Variants in GFPT2 observed in about 807,000 individuals in gnomAD.
The protein encoded by GFPT2 is glutamine--fructose-6-phosphate transaminase 2, also known as glutamine--fructose-6-phosphate aminotransferase [isomerizing] 2.
A neutral mutation model predicts 85.6 loss-of-function variants in GFPT2; 62 were observed. The ratio of observed to expected loss-of-function variants is 0.72; its 90% CI spans 0.59 to 0.90. The LOEUF is 0.90. GFPT2 is among the 40% of genes least tolerant of loss of function. GFPT2 has a pLI of 0.00. For missense variants in GFPT2, 788 were observed against 893.4 expected, an observed-to-expected ratio of 0.88 and a Z score of 1.50; for synonymous variants, 368 against 344.5, an observed-to-expected ratio of 1.07 and a Z score of -0.75.
In GFPT2 at chr5:180,316,436, G is replaced by A; in HGVS notation, c.1178C>T (p.Thr393Ile). The A allele has an allele frequency of 6.2e-7, 1 of 1,614,034 alleles. No homozygotes were observed. The highest frequency in any genetic ancestry group is 8.5e-7 in the Non-Finnish European group (1 of 1,179,890). ...AAGTTCAACCATCACAGGAAGCTCA[G>A]TCAGTTCCTCCAAAACTTGCCGCGT... The part of the protein sequence containing the change: ...VATRQVLEEL[T>I]ELPVMVELAS... The change falls in exon 13 of 19, where the codon ACT (threonine) becomes ATT (isoleucine). Residue 393 changes from threonine to isoleucine, a missense_variant. Transcript: ENST00000253778.
At chr5:180,351,734 C>A (rs774858114) in intron 1 of GFPT2, among the ~76,000 whole-genome samples, 13 of 152,148 alleles carry the variant, frequency 8.5e-5, no homozygotes, top group Admixed American at 4.6e-4. Flanking sequence ...AGAGCCCCCC[C>A]AAAGCTCAGA....
Position 180,328,283 on chromosome 5 carries a change from G to T in GFPT2, c.590C>A (p.Ala197Asp). Residue 197 changes from alanine to aspartate, a missense_variant, in exon 7 of 19, where the codon GCC (alanine) becomes GAC (aspartate). By Grantham distance (126) the Ala-to-Asp change is moderately radical. Transcript: ENST00000253778. The surrounding 1 kb of genome is among the most constrained non-coding windows in gnomAD (Gnocchi z 5.4). ...KSVHYPGEAV[A>D]TRRGSPLLIG... is the part of the protein sequence containing the mutation. ...CCAGTGTGTTTTGCCTCACCGTGTG[G>T]CAACGGCTTCTCCTGGGTAGTGGAC... 2 of 1,609,556 alleles carry T rather than the reference G, an allele frequency of 1.2e-6. No individual in the cohort carries two copies. The highest frequency in any genetic ancestry group is 2.2e-5 in the East Asian group (1 of 44,858).
chr5:180,328,146 G>C lies in GFPT2; in HGVS notation c.596+131C>G. On this transcript the variant is annotated intron_variant, in intron 7 of 18. Coordinates refer to ENST00000253778, the MANE Select transcript of GFPT2 (RefSeq NM_005110.4). The surrounding 1 kb of genome is among the most constrained non-coding windows in gnomAD (Gnocchi z 5.4). The stretch of plus-strand genomic sequence containing the variant: ...GGTGGGGCGCGGTCCCCGGGGCTGA[G>C]CCACAGTTGTTCTTTAGACACCACG... 1 of 668,728 alleles carries C rather than the reference G, an allele frequency of 1.5e-6. No homozygotes were observed. Among genetic ancestry groups the C allele is most frequent in the Non-Finnish European group, 2.7e-6 (1 of 371,960 alleles). The allele number at this position is 668,728 out of a possible 1,614,324, so 41.4% of individuals were successfully genotyped here.
chr5:180,310,802 C>A (rs1039848855), intron 15 of GFPT2, among the ~76,000 whole-genome samples: 33 of 128,458 alleles, frequency 2.6e-4, no homozygotes, highest in Admixed American at 1.1e-3. Context: ...CGGGCACAGC[C>A]ACCACTGCCT....
At position 180,330,579 on chromosome 5, in the gene GFPT2, G is replaced by T; in HGVS notation, c.534+121C>A. The T allele has an allele frequency of 2.6e-6, 2 of 779,344 alleles. No homozygotes were observed. Among genetic ancestry groups the T allele is most frequent in the Non-Finnish European group, 4.3e-6 (2 of 468,226 alleles). 48.3% of individuals were successfully genotyped at this position (779,344 alleles called of 1,614,324 possible). A position where few individuals can be genotyped will look rare whatever the true frequency, so the allele number is the denominator to read the frequency against. On this transcript the variant is annotated intron_variant, in intron 6 of 18. Transcript: ENST00000253778. This position sits in a 1 kb window ranked among gnomAD's most constrained non-coding sequence, Gnocchi z 4.4. ...CTGTCTTTTATCCCCAGGACTCTGT[G>T]CAAGTTTGTCTAACAAGGGCTTATA... is the stretch of plus-strand genomic sequence containing the variant.
rs190783513 is a variant in GFPT2, at chr5:180,306,312, G to A, written c.1674+864C>T. Among the ~76,000 whole-genome samples the A allele has an allele frequency of 2.0e-3, 297 of 152,272 alleles. 2 individuals carry two copies. Among genetic ancestry groups the A allele is most frequent in the African/African-American group, 6.9e-3 (287 of 41,538 alleles). ...CATTGTCTTTCAAATGGGGGTGGTG[G>A]GGAGGAGATGGGAGAGGATGGCAGC... On this transcript the variant is annotated intron_variant, in intron 16 of 18. Transcript: ENST00000253778.
intron 1 of GFPT2, chr5:180,352,527 A>AC (rs1401730489): frequency 2.3e-5 from 10 of 443,896 alleles, no homozygotes; most frequent in Non-Finnish European, 4.5e-5. Context: ...CGGGAATCGG[A>AC]CGCCCGGCCC....
At chr5:180,319,069 C>T in intron 9 of GFPT2, 113 bp from the exon 10 acceptor site, 2 of 847,308 alleles carry the variant, frequency 2.4e-6, no homozygotes, top group Non-Finnish European at 3.7e-6. Flanking sequence ...TTAGGAGGGA[C>T]AGAGAGACCA....
chr5:180,312,675 A>C (rs1581370906), intron 14 of GFPT2, 131 bp from the exon 15 acceptor site: 3 of 599,022 alleles, frequency 5.0e-6, no homozygotes, highest in Middle Eastern at 3.0e-4. Context: ...TGCAGCCTCA[A>C]CCTCCTCAAG....
In GFPT2 at chr5:180,319,033, A is replaced by C. The variant is rs569205258; in HGVS notation, c.795-77T>G. 2.9e-6 allele frequency: 4 copies of C among 1,399,334 alleles called. No homozygotes were observed. In the Admixed American group the frequency reaches 7.0e-5, roughly 24 times the overall value. The allele number at this position is 1,399,334 out of a possible 1,614,324, so 86.7% of individuals were successfully genotyped here. Reference sequence around the variant, plus strand: ...GGCAGCAGCCCCTTGCTGGTTCCCAAGCGTGGAGGCCACATCGTTGGCATT... The same window carrying C: ...GGCAGCAGCCCCTTGCTGGTTCCCACGCGTGGAGGCCACATCGTTGGCATT... On this transcript the variant is annotated intron_variant, in intron 9 of 18. Transcript: ENST00000253778.
At chr5:180,325,899 C>A (rs1764203430) in intron 7 of GFPT2, among the ~76,000 whole-genome samples, 1 of 152,150 alleles carries the variant, frequency 6.6e-6, no homozygotes, top group African/African-American at 2.4e-5. Context: ...GTGGGGGGTG[C>A]CTGTAATCCC....
In GFPT2 at chr5:180,328,838, C is replaced by T. The variant is rs1764257740; in HGVS notation, c.535-500G>A. ...ATCGGTGAAGGAAGTGAGAACAGCG[C>T]CACCTGGCGGGGCTTCCGTGACGAT... On this transcript the variant is annotated intron_variant, in intron 6 of 18. Transcript: ENST00000253778. The surrounding 1 kb of genome is among the most constrained non-coding windows in gnomAD (Gnocchi z 5.4). 6.6e-6 allele frequency among the ~76,000 whole-genome samples: 1 copy of T among 152,230 alleles called. No individual in the cohort carries two copies. The highest frequency in any genetic ancestry group is 2.4e-5 in the African/African-American group (1 of 41,466).
At chr5:180,305,011 A>C in intron 16 of GFPT2, 72 bp from the exon 17 acceptor site, 1 of 1,005,744 alleles carries the variant, frequency 9.9e-7, no homozygotes. Context: ...GAGGGGAAGA[A>C]GGGGAACCAG....
At chr5:180,352,498 G>A (rs1219412486) in intron 1 of GFPT2, 7 of 449,556 alleles carry the variant, frequency 1.6e-5, no homozygotes, top group African/African-American at 1.0e-4. Context: ...CAGCCACGCG[G>A]GACAGCGCGG....
intron 15 of GFPT2, among the ~76,000 whole-genome samples, chr5:180,308,547 C>T (rs35625998): frequency 0.061 from 9,293 of 152,082 alleles, 859 homozygotes; most frequent in African/African-American, 0.2. Flanking sequence ...GTTGGAAAAG[C>T]GAGGAGTATT....
chr5:180,344,730 T>A (rs910065393), intron 1 of GFPT2, among the ~76,000 whole-genome samples: 1 of 152,190 alleles, frequency 6.6e-6, no homozygotes, highest in Non-Finnish European at 1.5e-5. Flanking sequence ...AGGGCCACAA[T>A]GGCCCTTCCC....
intron 13 of GFPT2, 81 bp from the exon 14 acceptor site, chr5:180,314,045 T>C (rs1763955519): frequency 7.2e-7 from 1 of 1,385,402 alleles, no homozygotes; most frequent in Non-Finnish European, 9.5e-7. Flanking sequence ...CACCGCCGGC[T>C]CTTACAGGGA....
chr5:180,340,871 T>C (rs1410575839), intron 1 of GFPT2, among the ~76,000 whole-genome samples: 6 of 152,146 alleles, frequency 3.9e-5, no homozygotes, highest in Admixed American at 3.9e-4. Flanking sequence ...CCCTATGACC[T>C]AATCGCCTCC....
chr5:180,314,238 G>A (rs1384626077), intron 13 of GFPT2, among the ~76,000 whole-genome samples: 1 of 152,216 alleles, frequency 6.6e-6, no homozygotes, highest in East Asian at 1.9e-4. Flanking sequence ...TGAGGGCTCA[G>A]AGACAGGAGG....
Sources: gnomAD v4.1 joint callset for allele counts (sites outside exome capture counted in the v4.1 genomes callset) on GRCh38, gnomAD v4.1.1 for gene constraint, Gnocchi (gnomAD v3.1) non-coding constraint, MANE v1.5 for transcripts, NCBI Gene and HGNC (gene_info 2026-07-23, HGNC 2026-07-21) for gene names.